Variants in FLT3 observed in about 807,000 individuals in gnomAD.
FLT3 encodes the protein fms related receptor tyrosine kinase 3.
In FLT3, 46 loss-of-function variants were observed where a neutral mutation model predicts 126.6. The ratio of observed to expected loss-of-function variants is 0.36; its 90% CI spans 0.29 to 0.46. The LOEUF (loss-of-function observed/expected upper bound fraction) is 0.46, where lower values mean the gene tolerates loss of function less well. FLT3 is among the 20% of genes least tolerant of loss of function. The pLI, the probability that FLT3 is intolerant of heterozygous loss-of-function variation, is 1.00. For missense variants in FLT3, 1,069 were observed against 1,190.3 expected, an observed-to-expected ratio of 0.90 and a Z score of 1.50; for synonymous variants, 404 against 434.4, an observed-to-expected ratio of 0.93 and a Z score of 0.87.
chr13:28,091,644 T>C (rs1313306549), intron 1 of FLT3, among the ~76,000 whole-genome samples: 1 of 152,084 alleles, frequency 6.6e-6, no homozygotes, highest in Non-Finnish European at 1.5e-5. Context: ...ACTGTCTATC[T>C]GCTGGTGAGG....
At chr13:28,039,153 C>T (rs887909462) in intron 9 of FLT3, among the ~76,000 whole-genome samples, 3 of 152,108 alleles carry the variant, frequency 2.0e-5, no homozygotes, top group South Asian at 4.1e-4. Context: ...TGAGGAGGAA[C>T]GGCAAGCCTC....
intron 23 of FLT3, among the ~76,000 whole-genome samples, chr13:28,008,815 T>C (rs139477757): frequency 6.6e-6 from 1 of 152,222 alleles, no homozygotes; most frequent in East Asian, 1.9e-4. Flanking sequence ...GGGGGCTTTT[T>C]TGGTTGGGTG....
At chr13:28,060,479 A>AAG (rs774807005) in intron 3 of FLT3, among the ~76,000 whole-genome samples, 1 of 150,818 alleles carries the variant, frequency 6.6e-6, no homozygotes, top group Non-Finnish European at 1.5e-5. Flanking sequence ...AAAAAAAAAA[A>AAG]AGAAAAAGGA....
chr13:28,016,976 A>C (rs1871921527), intron 20 of FLT3, among the ~76,000 whole-genome samples: 1 of 152,164 alleles, frequency 6.6e-6, no homozygotes, highest in South Asian at 2.1e-4. Flanking sequence ...GCTATGAGGT[A>C]AGTGCATAAC....
In FLT3 at chr13:28,052,181, G is replaced by A. The variant is rs994282358; in HGVS notation, c.614+364C>T. Among the ~76,000 whole-genome samples the A allele has an allele frequency of 4.0e-5, 6 of 151,466 alleles. 1 individual carries two copies. Among genetic ancestry groups the A allele is most frequent in the African/African-American group, 1.5e-4 (6 of 40,952 alleles). The stretch of plus-strand genomic sequence containing the variant: ...GTGATCTTGGCTCACCACAACCTTT[G>A]CCTCCCAGGTTCAAGAGATTCTCCT... On this transcript the variant is annotated intron_variant, in intron 5 of 23. Transcript: ENST00000241453.
intron 1 of FLT3, among the ~76,000 whole-genome samples, chr13:28,076,077 G>A (rs1450807304): frequency 1.3e-5 from 2 of 152,092 alleles, no homozygotes; most frequent in Admixed American, 6.6e-5. Context: ...GATTATAGGC[G>A]TGAGCCACTG....
Position 28,061,938 on chromosome 13 carries a change from C to A in FLT3, c.297G>T (p.Gly99=). The A allele has an allele frequency of 1.2e-6, 2 of 1,614,014 alleles. No homozygotes were observed. Among genetic ancestry groups the A allele is most frequent in the Non-Finnish European group, 1.7e-6 (2 of 1,179,950 alleles). ...ITLQVLVDAP[G]NISCLWVFKH... The stretch of plus-strand genomic sequence containing the variant: ...TAAAGACCCAGAGACAGGAAATGTT[C>A]CCTGGGGCGTCGACCAGCACTTGCA... Residue 99 remains glycine (G), a synonymous_variant, in exon 3 of 24, where the codon GGG becomes GGT. Transcript: ENST00000241453.
chr13:28,006,122 C>A (rs986864266), intron 23 of FLT3, among the ~76,000 whole-genome samples: 2 of 152,096 alleles, frequency 1.3e-5, no homozygotes, highest in Admixed American at 6.6e-5. Context: ...AAAGGTGATA[C>A]ATTTTTATTA....
chr13:28,083,645 A>G (rs1159139208), intron 1 of FLT3, among the ~76,000 whole-genome samples: 1 of 152,212 alleles, frequency 6.6e-6, no homozygotes, highest in Non-Finnish European at 1.5e-5. Context: ...GAATATTTTT[A>G]ACTACAGATT....
At chr13:28,005,061 G>A (rs990138894) in intron 23 of FLT3, among the ~76,000 whole-genome samples, 4 of 152,228 alleles carry the variant, frequency 2.6e-5, no homozygotes, top group Admixed American at 6.5e-5. Flanking sequence ...CGGGCGCAGT[G>A]GCTCATGCCT....
intron 5 of FLT3, among the ~76,000 whole-genome samples, chr13:28,051,868 A>C (rs1461973483): frequency 6.6e-6 from 1 of 150,978 alleles, no homozygotes; most frequent in Non-Finnish European, 1.5e-5. Flanking sequence ...CTTATAAGAT[A>C]ATTCTACTTT....
At chr13:28,006,833 G>C (rs1477359820) in intron 23 of FLT3, among the ~76,000 whole-genome samples, 1 of 149,700 alleles carries the variant, frequency 6.7e-6, no homozygotes, top group African/African-American at 2.5e-5. Flanking sequence ...AGCAACCTCT[G>C]CCTCTCAGGT....
chr13:28,014,672 G>A (rs1014088787), intron 22 of FLT3, 115 bp from the exon 23 acceptor site: 3 of 698,288 alleles, frequency 4.3e-6, no homozygotes, highest in Non-Finnish European at 7.2e-6. Flanking sequence ...TTTACAGCAT[G>A]TTTGTTTTGT....
intron 9 of FLT3, among the ~76,000 whole-genome samples, chr13:28,047,693 C>T (rs1417591432): frequency 1.6e-5 from 2 of 124,872 alleles, no homozygotes; most frequent in Non-Finnish European, 3.2e-5. Flanking sequence ...GCCTAGGTGA[C>T]AGAGTGAGAC....
intron 4 of FLT3, among the ~76,000 whole-genome samples, 170 bp downstream of exon 4, chr13:28,057,177 A>C (rs976542179): frequency 6.6e-6 from 1 of 152,196 alleles, no homozygotes; most frequent in African/African-American, 2.4e-5. Flanking sequence ...AGTGATTCTC[A>C]GTTCTCTATA....
intron 9 of FLT3, among the ~76,000 whole-genome samples, chr13:28,042,398 G>T (rs1874471555): frequency 6.6e-6 from 1 of 151,882 alleles, no homozygotes. Flanking sequence ...CTTATTTCAT[G>T]TTTATACAAA....
At chr13:28,008,957 T>C (rs1271245411) in intron 23 of FLT3, among the ~76,000 whole-genome samples, 1 of 152,156 alleles carries the variant, frequency 6.6e-6, no homozygotes, top group African/African-American at 2.4e-5. Flanking sequence ...TGTTTTATTT[T>C]TGTATTTTCA....
At chr13:28,093,552 C>T (rs1879262876) in intron 1 of FLT3, among the ~76,000 whole-genome samples, 1 of 152,158 alleles carries the variant, frequency 6.6e-6, no homozygotes, top group Admixed American at 6.5e-5. Flanking sequence ...CGACCTTATA[C>T]ATTGTGTCAC....
At chr13:28,070,195 A>G (rs1292344471) in intron 2 of FLT3, among the ~76,000 whole-genome samples, 3 of 152,216 alleles carry the variant, frequency 2.0e-5, no homozygotes, top group Admixed American at 6.5e-5. Flanking sequence ...GGATTTTGGT[A>G]TTAGTGAGAG....
Sources: allele counts gnomAD v4.1 joint callset (sites outside exome capture counted in the v4.1 genomes callset), GRCh38; gene constraint gnomAD v4.1.1; transcripts MANE v1.5; gene names NCBI Gene and HGNC (gene_info 2026-07-23, HGNC 2026-07-21).